CACNA1C: variants seen among roughly 807,000 people sequenced by gnomAD.
The protein encoded by CACNA1C is voltage-dependent L-type calcium channel subunit alpha-1C.
A neutral mutation model predicts 229.0 loss-of-function variants in CACNA1C; 30 were observed. That is an observed-to-expected ratio of 0.13 (90% CI 0.10 to 0.18). The LOEUF is 0.18. CACNA1C is among the 10% of genes least tolerant of loss of function. The probability of loss-of-function intolerance (pLI) is 1.00; values close to 1 mark genes in which losing one functional copy is unlikely to be tolerated. For synonymous variants in CACNA1C, 1,114 were observed against 1,132.5 expected (o/e 0.98, Z 0.33); for missense variants, 1,658 against 2,845.0 (o/e 0.58, Z 9.49).
chr12:2,506,253 G>A (rs1409004882), intron 8 of CACNA1C, among the ~76,000 whole-genome samples: 1 of 152,134 alleles, frequency 6.6e-6, no homozygotes, highest in African/African-American at 2.4e-5. Flanking sequence ...AGGTAGAGAG[G>A]TTTTCAGTTT....
chr12:2,229,683 C>A (rs1198526476), intron 3 of CACNA1C, among the ~76,000 whole-genome samples: 4 of 152,106 alleles, frequency 2.6e-5, no homozygotes, highest in Non-Finnish European at 5.9e-5. Context: ...ATGAGGGGGT[C>A]AGCAGGGTAG....
chr12:2,578,189 G>C (rs2059260401), intron 13 of CACNA1C, among the ~76,000 whole-genome samples: 1 of 152,220 alleles, frequency 6.6e-6, no homozygotes, highest in Non-Finnish European at 1.5e-5. Context: ...TTCTTTGAGA[G>C]TAATGAGGGA....
At chr12:2,596,061 G>A in intron 20 of CACNA1C, 58 bp downstream of exon 20, 3 of 1,508,360 alleles carry the variant, frequency 2.0e-6, no homozygotes, top group Non-Finnish European at 2.7e-6. Context: ...CAGGCCCACA[G>A]CTTCTGTTGC....
At chr12:2,408,831 A>G (rs971462801) in intron 3 of CACNA1C, among the ~76,000 whole-genome samples, 1 of 152,210 alleles carries the variant, frequency 6.6e-6, no homozygotes, top group South Asian at 2.1e-4. Flanking sequence ...AATATATTTC[A>G]TTTTCATGGA....
intron 9 of CACNA1C, among the ~76,000 whole-genome samples, chr12:2,526,024 A>C (rs12231350): frequency 6.6e-6 from 1 of 152,012 alleles, no homozygotes; most frequent in East Asian, 1.9e-4. Context: ...AATAGAAGGC[A>C]ATTGGCAGCG....
intron 3 of CACNA1C, among the ~76,000 whole-genome samples, chr12:2,162,437 A>G (rs2095924938): frequency 6.6e-6 from 1 of 151,982 alleles, no homozygotes; most frequent in Non-Finnish European, 1.5e-5. Flanking sequence ...GGGAAATAGC[A>G]AGCAAAGTTC....
chr12:2,526,288 G>A (rs1310537360), intron 9 of CACNA1C, among the ~76,000 whole-genome samples: 2 of 152,218 alleles, frequency 1.3e-5, no homozygotes, highest in African/African-American at 4.8e-5. Flanking sequence ...TACCCCATGT[G>A]GGGGCTGTTG....
intron 3 of CACNA1C, among the ~76,000 whole-genome samples, chr12:2,267,720 C>G (rs1430953437): frequency 6.6e-6 from 1 of 152,214 alleles, no homozygotes; most frequent in East Asian, 1.9e-4. Flanking sequence ...CCTTGCCAGG[C>G]AGCTGCACTC....
chr12:2,169,484 A>C (rs1473939269), intron 3 of CACNA1C, among the ~76,000 whole-genome samples: 1 of 152,218 alleles, frequency 6.6e-6, no homozygotes, highest in Non-Finnish European at 1.5e-5. Context: ...GCACCTGCTC[A>C]TGCCCCTTCC....
At chr12:2,492,485 C>G (rs2099737649) in intron 6 of CACNA1C, among the ~76,000 whole-genome samples, 1 of 152,244 alleles carries the variant, frequency 6.6e-6, no homozygotes, top group South Asian at 2.1e-4. Context: ...TGAAGTCCCA[C>G]ATGACATGCA....
chr12:2,549,843 G>A (rs964645624), intron 9 of CACNA1C, 100 bp from the exon 10 acceptor site: 4 of 823,000 alleles, frequency 4.9e-6, no homozygotes, highest in Admixed American at 2.0e-5. Context: ...CTGCCAACCC[G>A]CACTGGGTCT....
intron 3 of CACNA1C, among the ~76,000 whole-genome samples, chr12:2,283,387 G>T (rs1380085608): frequency 6.6e-6 from 1 of 152,186 alleles, no homozygotes; most frequent in Non-Finnish European, 1.5e-5. Flanking sequence ...GCAGGGTATG[G>T]AAGCATCTGA....
chr12:2,016,185 C>T (rs373983044), intron 1 of CACNA1C, among the ~76,000 whole-genome samples: 22 of 152,242 alleles, frequency 1.4e-4, no homozygotes, highest in African/African-American at 5.3e-4. Flanking sequence ...TATATTTGTT[C>T]ATTTGTTTGT....
intron 1 of CACNA1C, among the ~76,000 whole-genome samples, chr12:2,084,418 T>C (rs2066790821): frequency 6.6e-6 from 1 of 152,232 alleles, no homozygotes; most frequent in Non-Finnish European, 1.5e-5. Context: ...GCAAACAAAA[T>C]ATATTTACTT....
chr12:2,140,329 C>T (rs1349597141), intron 3 of CACNA1C, among the ~76,000 whole-genome samples: 1 of 151,440 alleles, frequency 6.6e-6, no homozygotes, highest in Non-Finnish European at 1.5e-5. Flanking sequence ...ACAAGGGCCT[C>T]CCAGTCACTT....
chr12:2,396,820 G>A (rs1189470293), intron 3 of CACNA1C, among the ~76,000 whole-genome samples: 2 of 152,260 alleles, frequency 1.3e-5, no homozygotes, highest in African/African-American at 4.8e-5. Context: ...TCAGAAGTAC[G>A]TGAACACTTC....
intron 3 of CACNA1C, among the ~76,000 whole-genome samples, chr12:2,378,306 C>T (rs1567332743): frequency 6.6e-6 from 1 of 152,160 alleles, no homozygotes; most frequent in Non-Finnish European, 1.5e-5. Context: ...CTAAGGGAAG[C>T]ACGGGCCTCT....
At chr12:2,023,649 C>G (rs1424145006) in intron 1 of CACNA1C, among the ~76,000 whole-genome samples, 1 of 152,160 alleles carries the variant, frequency 6.6e-6, no homozygotes, top group Non-Finnish European at 1.5e-5. Context: ...TGTTCCAGGA[C>G]AAGTCATTTG....
chr12:2,680,600 C>T (rs1211922140), intron 42 of CACNA1C: 1 of 1,539,068 alleles, frequency 6.5e-7, no homozygotes, highest in African/African-American at 1.4e-5. Context: ...CGCCCTCCAG[C>T]TCAGAAAATA....
Sources: gnomAD v4.1 joint callset for allele counts (sites outside exome capture counted in the v4.1 genomes callset) on GRCh38, gnomAD v4.1.1 for gene constraint, MANE v1.5 for transcripts, NCBI Gene and HGNC (gene_info 2026-07-23, HGNC 2026-07-21) for gene names.